PSMD1: variants seen among roughly 807,000 people sequenced by gnomAD.
PSMD1 encodes the protein proteasome 26S subunit, non-ATPase 1.
In PSMD1, 18 loss-of-function variants were observed where a neutral mutation model predicts 119.0. That is an observed-to-expected ratio of 0.15 (90% CI 0.10 to 0.22). The LOEUF is 0.22. Ranked by LOEUF, PSMD1 falls within the 10% of genes least tolerant of loss-of-function variation. The pLI, the probability that PSMD1 is intolerant of heterozygous loss-of-function variation, is 1.00. For synonymous variants in PSMD1, 374 were observed against 396.6 expected, an observed-to-expected ratio of 0.94 and a Z score of 0.68; for missense variants, 702 against 1,158.5, an observed-to-expected ratio of 0.61 and a Z score of 5.72.
At chr2:231,098,575 CTCCCCTCTCTGCTGTTCTT>C (rs1694783349) in intron 16 of PSMD1, among the ~76,000 whole-genome samples, 1 of 151,852 alleles carries the variant, frequency 6.6e-6, no homozygotes, top group Non-Finnish European at 1.5e-5. Flanking sequence ...CTCTCTCTCT[CTCCCCTCTCTGCTGTTCTT>C]TCCCTGCCTC....
chr2:231,132,403 C>A (rs1695876137), intron 16 of PSMD1, among the ~76,000 whole-genome samples: 1 of 152,152 alleles, frequency 6.6e-6, no homozygotes, highest in African/African-American at 2.4e-5. Context: ...AGTTCCCTAA[C>A]AAGTTGATGA....
In PSMD1 at chr2:231,121,045, G is replaced by A. The variant is rs191213556; in HGVS notation, c.1884-17691G>A. Among the ~76,000 whole-genome samples the A allele has an allele frequency of 1.4e-3, 216 of 152,230 alleles. 1 individual carries two copies. The highest frequency in any genetic ancestry group is 4.8e-3 in the African/African-American group (200 of 41,538). ...AATTCATCCTTTGAAGTTTGTTAGA[G>A]GGCAACATGTGTTTTTTTCCTACAT... On this transcript the variant is annotated intron_variant, in intron 16 of 24. Coordinates refer to ENST00000308696, the MANE Select transcript of PSMD1 (RefSeq NM_002807.4).
chr2:231,141,314 A>T (rs2125249892), intron 17 of PSMD1, among the ~76,000 whole-genome samples: 1 of 152,238 alleles, frequency 6.6e-6, no homozygotes, highest in Admixed American at 6.5e-5. Context: ...AGAAAAAAAA[A>T]AAAAAGCTAT....
At chr2:231,143,298 C>T (rs544567622) in intron 17 of PSMD1, among the ~76,000 whole-genome samples, 2 of 152,034 alleles carry the variant, frequency 1.3e-5, no homozygotes, top group South Asian at 2.1e-4. Flanking sequence ...GGCGCTATCT[C>T]GGCTCACTGG....
intron 15 of PSMD1, 129 bp from the exon 16 acceptor site, chr2:231,086,988 A>G (rs1694467619): frequency 1.6e-6 from 1 of 636,254 alleles, no homozygotes; most frequent in Non-Finnish European, 2.8e-6. Context: ...GAGGTGTGCA[A>G]CATAATGTTT....
intron 18 of PSMD1, among the ~76,000 whole-genome samples, chr2:231,148,164 T>C (rs944057037): frequency 1.3e-5 from 2 of 152,244 alleles, no homozygotes; most frequent in Non-Finnish European, 1.5e-5. Flanking sequence ...ATAGCAGCTA[T>C]CATATGAGTA....
intron 17 of PSMD1, among the ~76,000 whole-genome samples, chr2:231,143,312 C>T (rs1696173273): frequency 6.6e-6 from 1 of 151,970 alleles, no homozygotes; most frequent in African/African-American, 2.4e-5. Flanking sequence ...TCACTGGAAC[C>T]TCCACCTCCT....
At chr2:231,070,921 C>A (rs1045860181) in intron 6 of PSMD1, among the ~76,000 whole-genome samples, 1 of 151,992 alleles carries the variant, frequency 6.6e-6, no homozygotes, top group African/African-American at 2.4e-5. Flanking sequence ...GTATTTTAAT[C>A]CTCTAGACTT....
At position 231,080,263 on chromosome 2, in the gene PSMD1, T is replaced by C. The variant is rs2125170054; in HGVS notation, c.1362T>C (p.Gly454=). 6.2e-7 allele frequency: 1 copy of C among 1,613,092 alleles called. No individual in the cohort carries two copies. The highest frequency in any genetic ancestry group is 1.1e-5 in the South Asian group (1 of 91,022). ...TAGGTCTTATTCATGCCAATCATGG[T>C]GGTGATATAATTGACTATCTGCTTA... ...YALGLIHANH[G]GDIIDYLLNQ... The change falls in exon 12 of 25, where the codon GGT becomes GGC. Residue 454 remains glycine, a synonymous_variant. Transcript: ENST00000308696.
At chr2:231,151,355 A>C (rs984997427) in intron 18 of PSMD1, among the ~76,000 whole-genome samples, 1 of 152,138 alleles carries the variant, frequency 6.6e-6, no homozygotes, top group Non-Finnish European at 1.5e-5. Flanking sequence ...GATGGTCTCA[A>C]AGCTGACTTC....
intron 21 of PSMD1, 166 bp from the exon 22 acceptor site, chr2:231,165,034 T>TTATATATATATATA (rs66656378): frequency 5.0e-4 from 11 of 21,824 alleles, no homozygotes; most frequent in Non-Finnish European, 5.4e-4. Flanking sequence ...TTATATATAT[T>TTATATATATATATA]TATATATATA....
chr2:231,148,252 G>C (rs1480434976), intron 18 of PSMD1, among the ~76,000 whole-genome samples: 1 of 152,162 alleles, frequency 6.6e-6, no homozygotes, highest in Non-Finnish European at 1.5e-5. Context: ...TGTCATTAAA[G>C]AAACAAATTT....
chr2:231,157,949 A>T (rs1210400966), intron 19 of PSMD1, among the ~76,000 whole-genome samples: 1 of 152,002 alleles, frequency 6.6e-6, no homozygotes, highest in Non-Finnish European at 1.5e-5. Flanking sequence ...TTAATATCCT[A>T]TCCTCGTAGA....
At chr2:231,090,996 CTT>C (rs1467220194) in intron 16 of PSMD1, among the ~76,000 whole-genome samples, 3 of 152,142 alleles carry the variant, frequency 2.0e-5, no homozygotes, top group African/African-American at 4.8e-5. Flanking sequence ...GAAGTAATCA[CTT>C]TTTGGGTCTG....
chr2:231,142,129 C>T (rs1465211657), intron 17 of PSMD1, among the ~76,000 whole-genome samples: 6 of 152,120 alleles, frequency 3.9e-5, no homozygotes, highest in Non-Finnish European at 7.4e-5. Context: ...GTTGTCCACC[C>T]GCCTCAGCTT....
At chr2:231,166,184 T>C (rs1034152951) in intron 23 of PSMD1, among the ~76,000 whole-genome samples, 167 bp downstream of exon 23, 39 of 152,338 alleles carry the variant, frequency 2.6e-4, no homozygotes, top group African/African-American at 9.4e-4. Context: ...TCATATAGAT[T>C]TGGGAGAATT....
chr2:231,118,002 A>C (rs541243406), intron 16 of PSMD1, among the ~76,000 whole-genome samples: 1 of 152,236 alleles, frequency 6.6e-6, no homozygotes, highest in East Asian at 1.9e-4. Context: ...GGAATAATAA[A>C]GGTTAAGAGT....
intron 16 of PSMD1, chr2:231,123,627 A>G (rs745963725): frequency 2.2e-5 from 36 of 1,614,012 alleles, no homozygotes; most frequent in Non-Finnish European, 3.1e-5. Flanking sequence ...GTTCCTCAAC[A>G]ATCTGTTTCA....
At chr2:231,130,014 C>G (rs2125240592) in intron 16 of PSMD1, among the ~76,000 whole-genome samples, 1 of 152,238 alleles carries the variant, frequency 6.6e-6, no homozygotes, top group South Asian at 2.1e-4. Context: ...CCAGCACGCC[C>G]AGCTAATTTT....
Sources: gnomAD v4.1 joint callset for allele counts (sites outside exome capture counted in the v4.1 genomes callset) on GRCh38, gnomAD v4.1.1 for gene constraint, MANE v1.5 for transcripts, NCBI Gene and HGNC (gene_info 2026-07-23, HGNC 2026-07-21) for gene names.